The following GALNT14 variants were observed in gnomAD, a reference collection of about 807,000 sequenced individuals.
GALNT14 encodes the protein UDP-GalNAc:polypeptide N-acetylgalactosaminyltransferase 14.
GALNT14 carries 60 observed loss-of-function variants against 77.5 expected under a neutral mutation model. The observed-to-expected ratio is 0.77, with a 90% CI of 0.63 to 0.96. The LOEUF (loss-of-function observed/expected upper bound fraction) is 0.96, where lower values mean the gene tolerates loss of function less well. Ranked by LOEUF, GALNT14 falls within the 40% of genes least tolerant of loss-of-function variation. The pLI, the probability that GALNT14 is intolerant of heterozygous loss-of-function variation, is 0.00. For missense variants in GALNT14, 710 were observed against 731.0 expected (o/e 0.97, Z 0.33); for synonymous variants, 280 against 281.7 (o/e 0.99, Z 0.06).
intron 1 of GALNT14, among the ~76,000 whole-genome samples, chr2:31,040,764 C>A (rs551419673): frequency 6.6e-6 from 1 of 152,298 alleles, no homozygotes; most frequent in South Asian, 2.1e-4. Context: ...GCCAGCCCTG[C>A]AGGTGGAAGC....
chr2:31,124,944 A>G (rs1218740028), intron 1 of GALNT14, among the ~76,000 whole-genome samples: 1 of 152,212 alleles, frequency 6.6e-6, no homozygotes, highest in Non-Finnish European at 1.5e-5. Context: ...CAGGTCTTCT[A>G]CTAGCACTGA....
At position 30,923,992 on chromosome 2, in the gene GALNT14, C is replaced by T. The variant is rs1665194775; in HGVS notation, c.1380+127G>A. The T allele has an allele frequency of 3.8e-6, 4 of 1,048,672 alleles. No individual in the cohort carries two copies. The African/African-American group carries it at 4.7e-5, about 12-fold the overall frequency. The allele number at this position is 1,048,672 out of a possible 1,614,324, so 65.0% of individuals were successfully genotyped here. A position where few individuals can be genotyped will look rare whatever the true frequency, so the allele number is the denominator to read the frequency against. ...GTGGGGGGATCACACCTCTCATGCT[C>T]CACTACCGATCTCTGGGAATAAATG... is the stretch of plus-strand genomic sequence containing the variant. On this transcript the variant is annotated intron_variant, in intron 13 of 14. Transcript: ENST00000349752.
chr2:30,942,337 G>C (rs1040778390), intron 8 of GALNT14, 33 bp from the exon 9 acceptor site: 2 of 1,500,696 alleles, frequency 1.3e-6, no homozygotes, highest in East Asian at 2.3e-5. Flanking sequence ...GAGGGGATCA[G>C]TTCTAGTGGG....
At chr2:31,096,467 T>C (rs1480395055) in intron 1 of GALNT14, among the ~76,000 whole-genome samples, 1 of 152,150 alleles carries the variant, frequency 6.6e-6, no homozygotes, top group Non-Finnish European at 1.5e-5. Context: ...TCTAAGACAG[T>C]CTTTAAGATG....
intron 3 of GALNT14, 37 bp from the exon 4 acceptor site, chr2:30,958,501 C>A: frequency 6.4e-7 from 1 of 1,562,100 alleles, no homozygotes; most frequent in Non-Finnish European, 8.8e-7. Context: ...ACTGGAACTT[C>A]TAGTGGCAAA....
At chr2:31,111,240 G>C (rs975947134) in intron 1 of GALNT14, among the ~76,000 whole-genome samples, 1 of 152,164 alleles carries the variant, frequency 6.6e-6, no homozygotes, top group Non-Finnish European at 1.5e-5. Flanking sequence ...CAAAGACCCA[G>C]GGATTCTTCA....
chr2:31,040,833 C>T (rs1000801077), intron 1 of GALNT14, among the ~76,000 whole-genome samples: 2 of 152,190 alleles, frequency 1.3e-5, no homozygotes, highest in Non-Finnish European at 2.9e-5. Flanking sequence ...TTGCACCCTA[C>T]GGTTGTGGCC....
intron 10 of GALNT14, 24 bp from the exon 11 acceptor site, chr2:30,929,511 G>A (rs758815260): frequency 6.3e-7 from 1 of 1,581,034 alleles, no homozygotes; most frequent in Non-Finnish European, 8.7e-7. Context: ...GAGTGACAAG[G>A]GGTGTCAGTA....
At chr2:30,939,026 C>A (rs1007534604) in intron 9 of GALNT14, among the ~76,000 whole-genome samples, 4 of 152,204 alleles carry the variant, frequency 2.6e-5, no homozygotes, top group Non-Finnish European at 5.9e-5. Context: ...ATTGCCCTTC[C>A]CATCTTGAAC....
In GALNT14 at chr2:31,138,400, G is replaced by A. The variant is rs1679330266; in HGVS notation, c.-314C>T. The A allele has an allele frequency of 5.6e-6, 2 of 359,836 alleles. No individual in the cohort carries two copies. Among genetic ancestry groups the A allele is most frequent in the South Asian group, 3.3e-5 (1 of 30,730 alleles). The allele number at this position is 359,836 out of a possible 1,614,324, so 22.3% of individuals were successfully genotyped here. A position where few individuals can be genotyped will look rare whatever the true frequency, so the allele number is the denominator to read the frequency against. On this transcript the variant is annotated 5_prime_UTR_variant, in exon 1 of 15. Transcript: ENST00000349752. The stretch of plus-strand genomic sequence containing the variant: ...CCACGCCGCCACCGCGGCTGCCGCC[G>A]CCGCCGCCGCCGCCTTGCCCGCTGC...
At chr2:30,904,261 G>A in the GALNT14 span, among the ~76,000 whole-genome samples, 19 of 152,338 alleles carry the variant, frequency 1.2e-4, no homozygotes, top group African/African-American at 3.4e-4. Flanking sequence ...CGTGAGCGAC[G>A]CAGAAGACGG....
chr2:30,920,446 T>C (rs902311389), intron 13 of GALNT14, among the ~76,000 whole-genome samples: 4 of 151,676 alleles, frequency 2.6e-5, no homozygotes, highest in Non-Finnish European at 4.4e-5. Flanking sequence ...GCAGGACAAG[T>C]AGGAGGACAG....
At chr2:30,916,671 G>A (rs899498895) in intron 13 of GALNT14, among the ~76,000 whole-genome samples, 1 of 150,800 alleles carries the variant, frequency 6.6e-6, no homozygotes, top group Non-Finnish European at 1.5e-5. Context: ...TCTAGCAGAT[G>A]CCAGTCTGGC....
intron 1 of GALNT14, among the ~76,000 whole-genome samples, chr2:31,130,991 T>A (rs1228646756): frequency 2.0e-5 from 3 of 152,176 alleles, no homozygotes; most frequent in Admixed American, 6.5e-5. Flanking sequence ...AAGGTCTCAC[T>A]TCACAGTTAT....
At chr2:30,938,384 A>ACACACACACACACACT (rs1174119035) in intron 9 of GALNT14, among the ~76,000 whole-genome samples, 15 of 141,780 alleles carry the variant, frequency 1.1e-4, no homozygotes, top group African/African-American at 3.9e-4. Context: ...ACACACACAC[A>ACACACACACACACACT]CTCTCTCTCT....
chr2:31,071,719 C>A (rs1675382688), intron 1 of GALNT14, among the ~76,000 whole-genome samples: 2 of 152,230 alleles, frequency 1.3e-5, no homozygotes, highest in South Asian at 4.1e-4. Flanking sequence ...CTGGCCCCTG[C>A]CTGCCTCTGG....
intron 13 of GALNT14, among the ~76,000 whole-genome samples, chr2:30,923,193 G>A (rs1271271449): frequency 6.6e-6 from 1 of 151,214 alleles, no homozygotes; most frequent in African/African-American, 2.4e-5. Flanking sequence ...CCCCTGAGTA[G>A]CTGGGATTAC....
intron 3 of GALNT14, 68 bp from the exon 4 acceptor site, chr2:30,958,532 T>C: frequency 1.7e-6 from 2 of 1,184,812 alleles, no homozygotes; most frequent in Non-Finnish European, 2.5e-6. Flanking sequence ...TAACCCGAGT[T>C]TTAAATAGAT....
intron 1 of GALNT14, among the ~76,000 whole-genome samples, chr2:31,072,284 C>T (rs74175095): frequency 9.3e-5 from 10 of 108,064 alleles, no homozygotes; most frequent in Non-Finnish European, 1.3e-4. Flanking sequence ...CACACACATA[C>T]ACACACACAC....
Sources: gnomAD v4.1 joint callset for allele counts (sites outside exome capture counted in the v4.1 genomes callset) on GRCh38, gnomAD v4.1.1 for gene constraint, MANE v1.5 for transcripts, NCBI Gene and HGNC (gene_info 2026-07-23, HGNC 2026-07-21) for gene names.